The following RECK variants were observed in gnomAD, a reference collection of about 807,000 sequenced individuals.
RECK encodes the protein reversion-inducing cysteine-rich protein with Kazal motifs.
A neutral mutation model predicts 115.1 loss-of-function variants in RECK; 69 were observed. The ratio of observed to expected loss-of-function variants is 0.60; its 90% CI spans 0.49 to 0.73. RECK has a LOEUF of 0.73. RECK is among the 30% of genes least tolerant of loss of function. RECK has a pLI of 0.00. For missense variants in RECK, 1,047 were observed against 1,203.7 expected, an observed-to-expected ratio of 0.87 and a Z score of 1.93; for synonymous variants, 414 against 419.7, an observed-to-expected ratio of 0.99 and a Z score of 0.17.
At chr9:36,116,876 A>G in intron 16 of RECK, 109 bp from the exon 17 acceptor site, 1 of 833,358 alleles carries the variant, frequency 1.2e-6, no homozygotes, top group East Asian at 2.5e-5. Context: ...GACTGTCCTG[A>G]TTCATCTCTT....
chr9:36,083,622 A>T, intron 8 of RECK, 60 bp downstream of exon 8: 1 of 1,526,534 alleles, frequency 6.6e-7, no homozygotes, highest in Non-Finnish European at 8.9e-7. Context: ...TTGTAAAAAG[A>T]AGTGATACGT....
At chr9:36,111,351 T>C (rs1393009423) in intron 15 of RECK, among the ~76,000 whole-genome samples, 1 of 152,212 alleles carries the variant, frequency 6.6e-6, no homozygotes, top group African/African-American at 2.4e-5. Flanking sequence ...TCTAAGTTAC[T>C]GTCTTAGACA....
chr9:36,106,525 A>G (rs1823825992), intron 13 of RECK, among the ~76,000 whole-genome samples: 1 of 151,396 alleles, frequency 6.6e-6, no homozygotes, highest in African/African-American at 2.4e-5. Context: ...GGTGTGAGCC[A>G]CTGCGCCCGG....
intron 6 of RECK, chr9:36,066,700 C>A: frequency 2.5e-6 from 2 of 798,512 alleles, no homozygotes; most frequent in South Asian, 4.2e-5. Flanking sequence ...TTCTCTTGAA[C>A]AAAGTGGCTA....
At position 36,051,830 on chromosome 9, in the gene RECK, A is replaced by G. The variant is rs114696798; in HGVS notation, c.101-435A>G. ...AATTTCTGAGTTTACTGGAATTTCC[A>G]TCAGGATATTCTATAGGAACCTCAG... On this transcript the variant is annotated intron_variant, in intron 1 of 20. Transcript: ENST00000377966. Among the ~76,000 whole-genome samples the G allele has an allele frequency of 1.1e-3, 166 of 152,328 alleles. 1 individual carries two copies. Among genetic ancestry groups the G allele is most frequent in the African/African-American group, 3.8e-3 (157 of 41,580 alleles).
intron 7 of RECK, among the ~76,000 whole-genome samples, chr9:36,081,958 C>T (rs939335143): frequency 1.3e-5 from 2 of 151,894 alleles, no homozygotes; most frequent in African/African-American, 4.8e-5. Context: ...GTTTCCTGGT[C>T]TGGGAAACTG....
intron 19 of RECK, among the ~76,000 whole-genome samples, chr9:36,121,185 C>T (rs1824448408): frequency 6.6e-6 from 1 of 152,174 alleles, no homozygotes; most frequent in South Asian, 2.1e-4. Flanking sequence ...CACAGGGCTC[C>T]AGAAATGTTG....
Position 36,110,004 on chromosome 9 carries a change from G to T in RECK, c.1813G>T (p.Ala605Ser). 6.2e-7 allele frequency: 1 copy of T among 1,613,762 alleles called. No individual in the cohort carries two copies. Among genetic ancestry groups the T allele is most frequent in the South Asian group, 1.1e-5 (1 of 91,074 alleles). Reference sequence around the variant, plus strand: ...TGACTGCAATGTCTGTTCTTGTTTTGCTGGCAATTTGGTGTGCTCTACCCG... The same window carrying T: ...TGACTGCAATGTCTGTTCTTGTTTTTCTGGCAATTTGGTGTGCTCTACCCG... ...SIDCNVCSCF[A>S]GNLVCSTRLC... is the part of the protein sequence containing the mutation. Residue 605 changes from alanine to serine, a missense_variant, in exon 15 of 21, where the codon GCT becomes TCT. Physicochemically the swap from Ala to Ser is moderately conservative, Grantham distance 99 (BLOSUM62 1). Transcript: ENST00000377966.
chr9:36,067,218 T>C (rs938274307), intron 6 of RECK, among the ~76,000 whole-genome samples: 6 of 152,166 alleles, frequency 3.9e-5, no homozygotes, highest in African/African-American at 1.4e-4. Flanking sequence ...TTTGGTGTAA[T>C]ATAGCCTATT....
intron 8 of RECK, among the ~76,000 whole-genome samples, chr9:36,083,806 A>G (rs1822830398): frequency 6.6e-6 from 1 of 152,162 alleles, no homozygotes; most frequent in Non-Finnish European, 1.5e-5. Flanking sequence ...GTTCACTGAT[A>G]TGGATTTTTT....
chr9:36,065,553 A>G (rs757378239), intron 5 of RECK, 24 bp from the exon 6 acceptor site: 1 of 1,568,604 alleles, frequency 6.4e-7, no homozygotes. Context: ...TAATAAATTA[A>G]TGGAGAAATT....
At chr9:36,051,176 G>A (rs1164672711) in intron 1 of RECK, among the ~76,000 whole-genome samples, 1 of 152,060 alleles carries the variant, frequency 6.6e-6, no homozygotes, top group South Asian at 2.1e-4. Context: ...AGTATTCCCT[G>A]TTTCTTTCCA....
chr9:36,070,227 C>T (rs1822174134), intron 6 of RECK, among the ~76,000 whole-genome samples: 1 of 151,902 alleles, frequency 6.6e-6, no homozygotes, highest in African/African-American at 2.4e-5. Context: ...ATAATTAAAA[C>T]ATAGTAACAG....
intron 1 of RECK, among the ~76,000 whole-genome samples, chr9:36,039,571 T>C (rs1435914030): frequency 6.6e-6 from 1 of 152,218 alleles, no homozygotes; most frequent in African/African-American, 2.4e-5. Context: ...AATGGTTTTC[T>C]CTTTGGAGGA....
intron 14 of RECK, among the ~76,000 whole-genome samples, chr9:36,109,096 T>C (rs1823931708): frequency 6.6e-6 from 1 of 152,044 alleles, no homozygotes; most frequent in African/African-American, 2.4e-5. Context: ...CATATTCTGC[T>C]TGACTAAACT....
intron 12 of RECK, among the ~76,000 whole-genome samples, chr9:36,104,244 T>C (rs1823673128): frequency 6.9e-6 from 1 of 144,816 alleles, no homozygotes; most frequent in South Asian, 2.2e-4. Context: ...GACTTAATTA[T>C]TTATTTATAG....
chr9:36,062,116 G>A (rs1453732793), intron 4 of RECK, among the ~76,000 whole-genome samples: 1 of 151,546 alleles, frequency 6.6e-6, no homozygotes, highest in Non-Finnish European at 1.5e-5. Flanking sequence ...ATTCCTGCAA[G>A]CATAAGGCTT....
At chr9:36,112,806 CAA>C (rs1327633325) in intron 16 of RECK, among the ~76,000 whole-genome samples, 1 of 152,142 alleles carries the variant, frequency 6.6e-6, no homozygotes, top group Non-Finnish European at 1.5e-5. Flanking sequence ...GGCAGACTAA[CAA>C]GAGTCATGGC....
intron 8 of RECK, 152 bp downstream of exon 8, chr9:36,083,714 T>C (rs1420309480): frequency 1.2e-6 from 1 of 853,440 alleles, no homozygotes; most frequent in Non-Finnish European, 1.8e-6. Flanking sequence ...TGAATAATAT[T>C]GTCACAGCCA....
Sources: gnomAD v4.1 joint callset for allele counts (sites outside exome capture counted in the v4.1 genomes callset) on GRCh38, gnomAD v4.1.1 for gene constraint, MANE v1.5 for transcripts, NCBI Gene and HGNC (gene_info 2026-07-23, HGNC 2026-07-21) for gene names.